MCUB: variants seen among roughly 807,000 people sequenced by gnomAD.
The protein encoded by MCUB is calcium uniporter regulatory subunit MCUb, mitochondrial.
MCUB carries 46 observed loss-of-function variants against 41.4 expected under a neutral mutation model. That is an observed-to-expected ratio of 1.11 (90% CI 0.88 to 1.42). The LOEUF is 1.42. Ranked by LOEUF, MCUB falls within the 40% of genes most tolerant of loss-of-function variation. MCUB has a pLI of 0.00. For synonymous variants in MCUB, 148 were observed against 148.2 expected, an observed-to-expected ratio of 1.00 and a Z score of 0.01; for missense variants, 403 against 404.9, an observed-to-expected ratio of 1.00 and a Z score of 0.04.
At chr4:109,566,215 A>G (rs1312284708) in intron 1 of MCUB, among the ~76,000 whole-genome samples, 1 of 151,036 alleles carries the variant, frequency 6.6e-6, no homozygotes, top group Non-Finnish European at 1.5e-5. Flanking sequence ...CACGCCTGTA[A>G]TTCCAGCACT....
chr4:109,597,079 CAGA>C (rs1463112853), intron 1 of MCUB, among the ~76,000 whole-genome samples: 2 of 151,606 alleles, frequency 1.3e-5, no homozygotes, highest in Non-Finnish European at 2.9e-5. Flanking sequence ...GATCCCAAGG[CAGA>C]AGAATTTTTC....
intron 1 of MCUB, among the ~76,000 whole-genome samples, chr4:109,622,214 G>A (rs1728263936): frequency 6.6e-6 from 1 of 152,114 alleles, no homozygotes; most frequent in Non-Finnish European, 1.5e-5. Context: ...ATATGTTTCT[G>A]AATTATAAAA....
At chr4:109,612,913 T>C (rs189596462) in intron 1 of MCUB, among the ~76,000 whole-genome samples, 111 of 152,268 alleles carry the variant, frequency 7.3e-4, no homozygotes, top group Middle Eastern at 6.8e-3. Context: ...AAGACCATCC[T>C]GGCTAACACG....
At chr4:109,648,724 C>CA (rs59279944) in intron 1 of MCUB, 283 of 236,620 alleles carry the variant, frequency 1.2e-3, no homozygotes, top group East Asian at 2.9e-3. Flanking sequence ...TACAGAGAAG[C>CA]AAAAAAAAAA....
intron 1 of MCUB, among the ~76,000 whole-genome samples, chr4:109,571,309 T>G (rs530806794): frequency 4.8e-4 from 73 of 152,036 alleles, no homozygotes; most frequent in African/African-American, 1.8e-3. Flanking sequence ...TAAACTTTAT[T>G]TATTTATTTA....
chr4:109,600,004 C>T (rs551365908), intron 1 of MCUB, among the ~76,000 whole-genome samples: 5 of 152,134 alleles, frequency 3.3e-5, no homozygotes, highest in African/African-American at 7.2e-5. Context: ...GTATGTTGTA[C>T]GCAAGATAGT....
chr4:109,565,389 A>G lies in MCUB; in HGVS notation c.99+4953A>G, dbSNP rs73838814. Among the ~76,000 whole-genome samples, 293 of 152,286 alleles carry G rather than the reference A, an allele frequency of 1.9e-3. 4 individuals carry two copies. Among genetic ancestry groups the G allele is most frequent in the African/African-American group, 6.2e-3 (259 of 41,556 alleles). On this transcript the variant is annotated intron_variant, in intron 1 of 7. Transcript: ENST00000394650. ...ATTCTAATATTAAGACTAGACAGCA[A>G]TTTCTTCCATGGGTCCTCTTAATGG...
intron 1 of MCUB, among the ~76,000 whole-genome samples, chr4:109,597,442 G>A (rs1443015946): frequency 2.9e-5 from 4 of 137,322 alleles, no homozygotes; most frequent in Non-Finnish European, 4.9e-5. Flanking sequence ...CGGACGGGGC[G>A]GCTGGCCGGG....
intron 5 of MCUB, chr4:109,683,327 A>AT (rs1729760516): frequency 6.6e-6 from 1 of 152,236 alleles, no homozygotes; most frequent in East Asian, 1.9e-4. Context: ...ATCTTTGAAT[A>AT]TGAATGGAAA....
At chr4:109,615,436 C>T (rs183129578) in intron 1 of MCUB, among the ~76,000 whole-genome samples, 8 of 147,468 alleles carry the variant, frequency 5.4e-5, no homozygotes, top group Admixed American at 2.0e-4. Context: ...GACGGAGTCT[C>T]GCTCTAGCTC....
rs1247625010 is a variant in MCUB, at chr4:109,577,726, T to C, written c.99+17290T>C. On this transcript the variant is annotated intron_variant, in intron 1 of 7. Transcript: ENST00000394650. The stretch of plus-strand genomic sequence containing the variant: ...CCGGGGTTCACGCCATTCTCCTGCC[T>C]CAGCCTCCCGAGTAGCTGGGACTAC... Among the ~76,000 whole-genome samples the C allele has an allele frequency of 9.3e-5, 7 of 74,916 alleles. 3 individuals are homozygous for C. Among genetic ancestry groups the C allele is most frequent in the Non-Finnish European group, 1.9e-4 (7 of 36,736 alleles). 49.1% of individuals were successfully genotyped at this position (74,916 alleles called of 152,430 possible).
intron 1 of MCUB, among the ~76,000 whole-genome samples, chr4:109,578,125 T>TA (rs1199646534): frequency 6.6e-6 from 1 of 152,198 alleles, no homozygotes; most frequent in Non-Finnish European, 1.5e-5. Flanking sequence ...GTAGCAAAAT[T>TA]AGAGTTTAGT....
chr4:109,599,945 C>T (rs1173805141), intron 1 of MCUB, among the ~76,000 whole-genome samples: 2 of 152,210 alleles, frequency 1.3e-5, no homozygotes, highest in African/African-American at 2.4e-5. Flanking sequence ...GCTGGGATTA[C>T]AGGCATGAGC....
At position 109,687,515 on chromosome 4, in the gene MCUB, GC is replaced by G; in HGVS notation, c.935del (p.Ala312ValfsTer5). The stretch of plus-strand genomic sequence containing the variant: ...ATGCTTTTTCTTTTTCCCATGACAG[GC>G]TAAAGAATCCCTGAAACAGGCGCGT... ...YNKLKEDLAKAKESLKQARHS... is the reference protein window; with the variant it reads ...YNKLKEDLAKXKESLKQARHS... On this transcript the variant is annotated frameshift_variant and splice_region_variant, in exon 8 of 8. Transcript: ENST00000394650. LOFTEE classifies it low-confidence loss of function (END_TRUNC). 2.5e-6 allele frequency: 4 copies of G among 1,608,070 alleles called. No homozygotes were observed. Among genetic ancestry groups the G allele is most frequent in the Non-Finnish European group, 3.4e-6 (4 of 1,175,450 alleles).
At chr4:109,591,628 T>A (rs1006397144) in intron 1 of MCUB, among the ~76,000 whole-genome samples, 1 of 152,216 alleles carries the variant, frequency 6.6e-6, no homozygotes, top group Non-Finnish European at 1.5e-5. Flanking sequence ...GTAGTTTAGT[T>A]GCATTGACTA....
intron 1 of MCUB, among the ~76,000 whole-genome samples, chr4:109,594,303 C>T (rs931968778): frequency 4.6e-5 from 7 of 152,166 alleles, no homozygotes; most frequent in African/African-American, 1.7e-4. Flanking sequence ...GTGAGGGTTA[C>T]AGTGGGGTCC....
chr4:109,595,711 G>T (rs549656443), intron 1 of MCUB, among the ~76,000 whole-genome samples: 1 of 152,304 alleles, frequency 6.6e-6, no homozygotes, highest in Admixed American at 6.5e-5. Context: ...CATTGTTTTG[G>T]TATGACTGTG....
intron 1 of MCUB, among the ~76,000 whole-genome samples, chr4:109,581,226 C>G (rs147880779): frequency 6.6e-6 from 1 of 151,848 alleles, no homozygotes; most frequent in Non-Finnish European, 1.5e-5. Flanking sequence ...GAAATAATGC[C>G]GCATAACTAC....
At chr4:109,647,127 G>T (rs1320187015) in intron 1 of MCUB, among the ~76,000 whole-genome samples, 1 of 152,098 alleles carries the variant, frequency 6.6e-6, no homozygotes, top group Non-Finnish European at 1.5e-5. Flanking sequence ...AGCCTCTGGT[G>T]TTATCAATAT....
Sources: allele counts gnomAD v4.1 joint callset (sites outside exome capture counted in the v4.1 genomes callset), GRCh38; gene constraint gnomAD v4.1.1; transcripts MANE v1.5; gene names NCBI Gene and HGNC (gene_info 2026-07-23, HGNC 2026-07-21).